Variants in GRIN2B observed in about 807,000 individuals in gnomAD.
The protein encoded by GRIN2B is glutamate receptor ionotropic, NMDA 2B.
GRIN2B carries 5 observed loss-of-function variants against 114.5 expected under a neutral mutation model. That is an observed-to-expected ratio of 0.04 (90% CI 0.02 to 0.09). The LOEUF is 0.09. Among genes scored for constraint, GRIN2B ranks in the 10% least tolerant of loss-of-function variants. The probability of loss-of-function intolerance (pLI) is 1.00; values close to 1 mark genes in which losing one functional copy is unlikely to be tolerated. For missense variants in GRIN2B, 1,108 were observed against 1,943.5 expected, an observed-to-expected ratio of 0.57 and a Z score of 8.08; for synonymous variants, 787 against 745.1, an observed-to-expected ratio of 1.06 and a Z score of -0.92.
chr12:13,611,532 T>C lies in GRIN2B; in HGVS notation c.1780+193A>G, dbSNP rs1805526. ...TGGGGCCAGGCATAAAGCAGACCTATAGATTCAAACTAACATCTTAACTGG... is the reference window on the plus strand; with the variant it reads ...TGGGGCCAGGCATAAAGCAGACCTACAGATTCAAACTAACATCTTAACTGG... On this transcript the variant is annotated intron_variant, in intron 9 of 13. Coordinates refer to ENST00000609686, the MANE Select transcript of GRIN2B (RefSeq NM_000834.5). Among the ~76,000 whole-genome samples, 4,765 of 152,302 alleles carry C rather than the reference T, an allele frequency of 0.031. 268 individuals carry two copies. The highest frequency in any genetic ancestry group is 0.11 in the African/African-American group (4,550 of 41,556).
intron 3 of GRIN2B, among the ~76,000 whole-genome samples, chr12:13,820,098 T>C (rs1024993690): frequency 2.6e-5 from 4 of 152,118 alleles, no homozygotes; most frequent in South Asian, 2.1e-4. Flanking sequence ...TTCCAAAAGA[T>C]TGTACCAAAT....
intron 10 of GRIN2B, among the ~76,000 whole-genome samples, chr12:13,585,902 C>T (rs984829047): frequency 2.6e-5 from 4 of 152,288 alleles, no homozygotes; most frequent in Non-Finnish European, 5.9e-5. Context: ...CCTGAACAGT[C>T]GACAGCAAGA....
chr12:13,927,266 T>C (rs1866934253), intron 2 of GRIN2B, among the ~76,000 whole-genome samples: 2 of 152,226 alleles, frequency 1.3e-5, no homozygotes, highest in Admixed American at 1.3e-4. Context: ...TTTTTCCTTC[T>C]AACAGCAGTA....
At chr12:13,790,240 T>G (rs892607732) in intron 3 of GRIN2B, among the ~76,000 whole-genome samples, 1 of 152,144 alleles carries the variant, frequency 6.6e-6, no homozygotes, top group African/African-American at 2.4e-5. Flanking sequence ...TCAATATCAC[T>G]GCAGGAACCT....
chr12:13,603,399 C>T (rs1949190885), intron 10 of GRIN2B, among the ~76,000 whole-genome samples: 2 of 152,048 alleles, frequency 1.3e-5, no homozygotes. Flanking sequence ...AGGGTCTAAA[C>T]AGGGTGGCAC....
chr12:13,734,344 C>T (rs963996566), intron 4 of GRIN2B, among the ~76,000 whole-genome samples: 4 of 152,074 alleles, frequency 2.6e-5, no homozygotes, highest in Admixed American at 6.5e-5. Flanking sequence ...GGGTGATGGG[C>T]GTCTGACTGA....
In GRIN2B at chr12:13,563,607, C is replaced by T. The variant is rs768453978; in HGVS notation, c.3631G>A (p.Gly1211Arg). 5.6e-6 allele frequency: 9 copies of T among 1,614,026 alleles called. No individual in the cohort carries two copies. The highest frequency in any genetic ancestry group is 7.6e-6 in the Non-Finnish European group (9 of 1,180,008). Residue 1211 changes from glycine to arginine, a missense_variant, in exon 14 of 14, where the codon GGG becomes AGG. Around this residue, in one of 19 missense-constraint regions of GRIN2B, gnomAD observed 478 missense variants for 506.0 expected, o/e 0.94. Transcript: ENST00000609686. ...LTNVEWEDRS[G>R]GNFCRSCPSK... is the part of the protein sequence containing the mutation. ...GGACAGCTGCGGCAGAAGTTGCCCC[C>T]GGACCGGTCCTCCCACTCCACGTTG... is the stretch of plus-strand genomic sequence containing the variant.
chr12:13,949,634 T>C (rs1306118970), intron 2 of GRIN2B, among the ~76,000 whole-genome samples: 2 of 152,200 alleles, frequency 1.3e-5, no homozygotes, highest in African/African-American at 2.4e-5. Flanking sequence ...TCAGGTACCA[T>C]GTGGTGGACA....
At chr12:13,677,537 T>C (rs1950086946) in intron 4 of GRIN2B, among the ~76,000 whole-genome samples, 2 of 152,190 alleles carry the variant, frequency 1.3e-5, no homozygotes, top group African/African-American at 4.8e-5. Context: ...GAGTAGCGAT[T>C]CCTAGAATCT....
chr12:13,661,958 G>C (rs1949927940), intron 5 of GRIN2B, among the ~76,000 whole-genome samples: 3 of 152,074 alleles, frequency 2.0e-5, no homozygotes, highest in African/African-American at 7.2e-5. Context: ...CCCTCACCAG[G>C]TCCCATGTTG....
At chr12:13,688,390 G>A (rs1950188780) in intron 4 of GRIN2B, among the ~76,000 whole-genome samples, 1 of 152,162 alleles carries the variant, frequency 6.6e-6, no homozygotes, top group Non-Finnish European at 1.5e-5. Context: ...TAAACACACA[G>A]GCTTTTTACA....
At chr12:13,871,640 C>A (rs554044550) in intron 2 of GRIN2B, among the ~76,000 whole-genome samples, 1 of 149,158 alleles carries the variant, frequency 6.7e-6, no homozygotes, top group Non-Finnish European at 1.5e-5. Flanking sequence ...AAGAAAATAA[C>A]AAATGAATGA....
chr12:13,665,839 T>C (rs940699696), intron 5 of GRIN2B, among the ~76,000 whole-genome samples: 1 of 152,188 alleles, frequency 6.6e-6, no homozygotes, highest in Non-Finnish European at 1.5e-5. Context: ...CCAGATCCTA[T>C]AGGGAAAATG....
chr12:13,790,544 C>T (rs1864303163), intron 3 of GRIN2B, among the ~76,000 whole-genome samples: 1 of 152,206 alleles, frequency 6.6e-6, no homozygotes, highest in African/African-American at 2.4e-5. Flanking sequence ...ACAAGTTAAA[C>T]ACAGTGACAT....
intron 5 of GRIN2B, among the ~76,000 whole-genome samples, chr12:13,659,603 A>G (rs1436692722): frequency 6.6e-6 from 1 of 152,030 alleles, no homozygotes; most frequent in Admixed American, 6.6e-5. Context: ...CTACCCCCTT[A>G]TTTGTACCTA....
chr12:13,935,502 G>A (rs1867109824), intron 2 of GRIN2B, among the ~76,000 whole-genome samples: 1 of 152,166 alleles, frequency 6.6e-6, no homozygotes, highest in African/African-American at 2.4e-5. Context: ...TGATTTAAAA[G>A]CATTAACTTG....
chr12:13,571,971 A>G lies in GRIN2B; in HGVS notation c.2011-7T>C, dbSNP rs1263647163. 1 of 1,610,516 alleles carries G rather than the reference A, an allele frequency of 6.2e-7. No individual in the cohort carries two copies. Among genetic ancestry groups the G allele is most frequent in the African/African-American group, 1.3e-5 (1 of 74,872 alleles). ...AGTCATTAGGTCTCTGGAACTGGAG[A>G]GAGAAAGACAGATAGAGACAGAGCG... is the stretch of plus-strand genomic sequence containing the variant. On this transcript the variant is annotated splice_region_variant and splice_polypyrimidine_tract_variant and intron_variant, in intron 10 of 13. Transcript: ENST00000609686.
At chr12:13,940,356 A>G (rs1867218673) in intron 2 of GRIN2B, among the ~76,000 whole-genome samples, 1 of 152,094 alleles carries the variant, frequency 6.6e-6, no homozygotes, top group African/African-American at 2.4e-5. Flanking sequence ...AAAGAATTCC[A>G]CATAGCTCAG....
intron 4 of GRIN2B, among the ~76,000 whole-genome samples, chr12:13,743,190 C>G (rs1159260860): frequency 6.6e-6 from 1 of 152,178 alleles, no homozygotes; most frequent in Non-Finnish European, 1.5e-5. Context: ...GAGCGACACT[C>G]TGTATGACAA....
Sources: gnomAD v4.1 joint callset for allele counts (sites outside exome capture counted in the v4.1 genomes callset) on GRCh38, gnomAD v4.1.1 for gene constraint, gnomAD v4.1.1 regional missense constraint, MANE v1.5 for transcripts, NCBI Gene and HGNC (gene_info 2026-07-23, HGNC 2026-07-21) for gene names.